Variants in TRIO observed in about 807,000 individuals in gnomAD.
The protein encoded by TRIO is triple functional domain protein.
A neutral mutation model predicts 351.9 loss-of-function variants in TRIO; 58 were observed. The ratio of observed to expected loss-of-function variants is 0.16; its 90% confidence interval spans 0.13 to 0.21. TRIO has a LOEUF of 0.21. Among genes scored for constraint, TRIO ranks in the 10% least tolerant of loss-of-function variants. The probability of loss-of-function intolerance (pLI) is 1.00; values close to 1 mark genes in which losing one functional copy is unlikely to be tolerated. For missense variants in TRIO, 3,201 were observed against 4,027.8 expected (o/e 0.79, Z 5.56); for synonymous variants, 1,758 against 1,595.7 (o/e 1.10, Z -2.42).
At chr5:14,456,203 C>T (rs1420686004) in intron 34 of TRIO, among the ~76,000 whole-genome samples, 1 of 152,246 alleles carries the variant, frequency 6.6e-6, no homozygotes, top group Non-Finnish European at 1.5e-5. Flanking sequence ...GGAACTCTTG[C>T]AGGCGCTAGC....
At chr5:14,358,450 A>G (rs1254138882) in intron 12 of TRIO, 103 bp downstream of exon 12, 6 of 1,381,518 alleles carry the variant, frequency 4.3e-6, no homozygotes, top group Non-Finnish European at 5.0e-6. Flanking sequence ...TTCTCTGTCC[A>G]GCTGAGTGCA....
At chr5:14,309,443 G>C (rs1230592665) in intron 8 of TRIO, among the ~76,000 whole-genome samples, 1 of 152,204 alleles carries the variant, frequency 6.6e-6, no homozygotes, top group Non-Finnish European at 1.5e-5. Context: ...CATGCCAAGA[G>C]GGAAGGTGTC....
At chr5:14,274,671 C>T (rs974026236) in intron 2 of TRIO, among the ~76,000 whole-genome samples, 2 of 152,004 alleles carry the variant, frequency 1.3e-5, no homozygotes, top group African/African-American at 2.4e-5. Flanking sequence ...GGTTCCTGTC[C>T]GTAACCAGTT....
At chr5:14,152,503 G>A (rs916120476) in intron 1 of TRIO, among the ~76,000 whole-genome samples, 1 of 152,178 alleles carries the variant, frequency 6.6e-6, no homozygotes, top group African/African-American at 2.4e-5. Flanking sequence ...CCAAGTAGCT[G>A]GGATTACAGG....
chr5:14,413,499 G>A (rs538552444), intron 33 of TRIO, among the ~76,000 whole-genome samples: 1 of 152,328 alleles, frequency 6.6e-6, no homozygotes, highest in Middle Eastern at 3.4e-3. Flanking sequence ...CCGCTCCCCT[G>A]GCGAGCTCTG....
chr5:14,348,886 G>A (rs1239715512), intron 11 of TRIO, among the ~76,000 whole-genome samples: 1 of 132,268 alleles, frequency 7.6e-6, no homozygotes, highest in Non-Finnish European at 1.7e-5. Context: ...ACATGAGCAT[G>A]TGTTTTTCCT....
chr5:14,345,245 G>C (rs1742313809), intron 11 of TRIO, among the ~76,000 whole-genome samples: 1 of 152,202 alleles, frequency 6.6e-6, no homozygotes, highest in Non-Finnish European at 1.5e-5. Flanking sequence ...AGATCATGCA[G>C]TGCTGATATA....
chr5:14,257,339 C>T (rs1795080447), intron 1 of TRIO, among the ~76,000 whole-genome samples: 1 of 152,202 alleles, frequency 6.6e-6, no homozygotes, highest in East Asian at 1.9e-4. Flanking sequence ...ACACGGAATT[C>T]TTAGCACAAG....
chr5:14,470,483 A>C (rs1754604270), intron 37 of TRIO, among the ~76,000 whole-genome samples: 1 of 152,220 alleles, frequency 6.6e-6, no homozygotes, highest in Admixed American at 6.5e-5. Flanking sequence ...TGTTCTGTGA[A>C]TCCAGGTAAA....
rs569332448 is a variant in TRIO, at chr5:14,210,623, G to A, written c.158-60202G>A. 1.3e-4 allele frequency among the ~76,000 whole-genome samples: 20 copies of A among 152,066 alleles called. No individual in the cohort carries two copies. The South Asian group carries it at 1.5e-3, about 11-fold the overall frequency. ...TTTTTTTGTTGTTGTTGTTGTTGTC[G>A]TGGTTTTATGATTGTTTTGGGGAAA... On this transcript the variant is annotated intron_variant, in intron 1 of 56. Coordinates refer to ENST00000344204, the MANE Select transcript of TRIO (RefSeq NM_007118.4).
At chr5:14,202,520 G>C (rs1474216255) in intron 1 of TRIO, among the ~76,000 whole-genome samples, 1 of 151,230 alleles carries the variant, frequency 6.6e-6, no homozygotes, top group Non-Finnish European at 1.5e-5. Context: ...CTTTGACTGT[G>C]TCCAAACCCA....
At chr5:14,209,340 G>A (rs1357662286) in intron 1 of TRIO, among the ~76,000 whole-genome samples, 3 of 152,194 alleles carry the variant, frequency 2.0e-5, no homozygotes, top group Non-Finnish European at 4.4e-5. Flanking sequence ...ATATTGGAAC[G>A]TTTTAGACAT....
intron 11 of TRIO, among the ~76,000 whole-genome samples, chr5:14,353,378 T>A (rs1479605453): frequency 6.6e-6 from 1 of 150,728 alleles, no homozygotes; most frequent in Non-Finnish European, 1.5e-5. Flanking sequence ...TTCTCCTGCC[T>A]CAGCCTCCCA....
intron 1 of TRIO, among the ~76,000 whole-genome samples, chr5:14,256,032 A>G (rs1795003533): frequency 6.6e-6 from 1 of 152,238 alleles, no homozygotes; most frequent in South Asian, 2.1e-4. Context: ...TGTTGCTATA[A>G]AGAAATATTG....
chr5:14,304,733 A>T, intron 8 of TRIO, 141 bp downstream of exon 8: 1 of 995,434 alleles, frequency 1.0e-6, no homozygotes, highest in South Asian at 1.6e-5. Context: ...ATTGTTTAGC[A>T]TTTGAACCCC....
At chr5:14,207,361 C>CACACACAGAGAG (rs1561202207) in intron 1 of TRIO, among the ~76,000 whole-genome samples, 1 of 10,100 alleles carries the variant, frequency 9.9e-5, no homozygotes, top group African/African-American at 2.9e-4. Context: ...CACACACACA[C>CACACACAGAGAG]AGAGCCAGGT....
At chr5:14,357,180 A>G (rs1194817717) in intron 11 of TRIO, among the ~76,000 whole-genome samples, 3 of 152,306 alleles carry the variant, frequency 2.0e-5, no homozygotes, top group Non-Finnish European at 4.4e-5. Flanking sequence ...TGCAGTTTTG[A>G]CTTATGAGTC....
At chr5:14,220,021 G>T (rs766248325) in intron 1 of TRIO, among the ~76,000 whole-genome samples, 16 of 143,036 alleles carry the variant, frequency 1.1e-4, no homozygotes, top group Admixed American at 1.4e-4. Flanking sequence ...ATACTGCGGG[G>T]TTTTTTTTTC....
intron 53 of TRIO, among the ~76,000 whole-genome samples, chr5:14,500,789 G>A (rs970925097): frequency 6.6e-6 from 1 of 151,400 alleles, no homozygotes; most frequent in African/African-American, 2.4e-5. Flanking sequence ...TCTGGAGGCT[G>A]AGGTGGGGGG....
Sources: gnomAD v4.1 joint callset for allele counts (sites outside exome capture counted in the v4.1 genomes callset) on GRCh38, gnomAD v4.1.1 for gene constraint, MANE v1.5 for transcripts, NCBI Gene and HGNC (gene_info 2026-07-23, HGNC 2026-07-21) for gene names.